WDR27: variants seen among roughly 807,000 people sequenced by gnomAD.
The protein encoded by WDR27 is WD repeat domain 27.
WDR27 carries 100 observed loss-of-function variants against 114.4 expected under a neutral mutation model. That is an observed-to-expected ratio of 0.87 (90% CI 0.74 to 1.03). The LOEUF (loss-of-function observed/expected upper bound fraction) is 1.03, where lower values mean the gene tolerates loss of function less well. WDR27 is among the 50% of genes least tolerant of loss of function. WDR27 has a pLI of 0.00. For missense variants in WDR27, 1,129 were observed against 1,092.9 expected (o/e 1.03, Z -0.47); for synonymous variants, 449 against 423.1 (o/e 1.06, Z -0.75).
the WDR27 span, among the ~76,000 whole-genome samples, chr6:169,437,699 A>G: frequency 3.3e-5 from 5 of 152,166 alleles, no homozygotes; most frequent in African/African-American, 9.7e-5. Flanking sequence ...ATAATTATAT[A>G]GAAATTTTGA....
intron 24 of WDR27, among the ~76,000 whole-genome samples, chr6:169,580,940 T>TATATATATAC (rs1195765098): frequency 2.8e-5 from 2 of 71,790 alleles, no homozygotes; most frequent in East Asian, 7.7e-4. Context: ...ATTTTATATA[T>TATATATATAC]ATATATATAT....
intron 25 of WDR27, among the ~76,000 whole-genome samples, chr6:169,473,960 G>A (rs1448774542): frequency 6.6e-6 from 1 of 152,244 alleles, no homozygotes; most frequent in Admixed American, 6.5e-5. Flanking sequence ...GGGGCCAGGT[G>A]TCAGTGATAG....
chr6:169,504,230 A>C (rs942610188), intron 25 of WDR27, among the ~76,000 whole-genome samples: 1 of 152,216 alleles, frequency 6.6e-6, no homozygotes, highest in Non-Finnish European at 1.5e-5. Flanking sequence ...GTTAAGATAC[A>C]TAGTAGACTT....
intron 25 of WDR27, among the ~76,000 whole-genome samples, chr6:169,531,807 C>A (rs1478259435): frequency 6.6e-6 from 1 of 152,128 alleles, no homozygotes; most frequent in Non-Finnish European, 1.5e-5. Context: ...GCACCCACCA[C>A]CATGCCTGGC....
chr6:169,558,526 G>A (rs925378563), intron 25 of WDR27: 5 of 152,110 alleles, frequency 3.3e-5, no homozygotes, highest in African/African-American at 4.8e-5. Flanking sequence ...ACAGGCAGCC[G>A]AGGATTGGGC....
intron 25 of WDR27, among the ~76,000 whole-genome samples, chr6:169,486,928 T>C (rs1032573128): frequency 4.6e-5 from 7 of 152,234 alleles, no homozygotes; most frequent in African/African-American, 9.6e-5. Flanking sequence ...ATAGTGACTT[T>C]TCTCTACAAT....
chr6:169,656,578 C>G (rs567335636), intron 13 of WDR27, among the ~76,000 whole-genome samples: 1 of 152,118 alleles, frequency 6.6e-6, no homozygotes, highest in Non-Finnish European at 1.5e-5. Flanking sequence ...GGGCTGAGAA[C>G]GAGGAGGCCG....
chr6:169,633,967 A>G (rs1429539623), intron 20 of WDR27, among the ~76,000 whole-genome samples: 1 of 152,168 alleles, frequency 6.6e-6, no homozygotes, highest in South Asian at 2.1e-4. Flanking sequence ...AAAGATCTGG[A>G]GCTTTTCCCC....
Position 169,659,561 on chromosome 6 carries a change from G to C in WDR27, c.1130-43C>G. On this transcript the variant is annotated intron_variant, in intron 10 of 25. Transcript: ENST00000448612. The surrounding 1 kb of genome is among the most constrained non-coding windows in gnomAD (Gnocchi z 4.3). ...CCAGGAAGAACATGATGGGGAGGGAGGTAGCACATACACACGGAGTCACTG... is the reference window on the plus strand; with the variant it reads ...CCAGGAAGAACATGATGGGGAGGGACGTAGCACATACACACGGAGTCACTG... The C allele has an allele frequency of 6.4e-7, 1 of 1,570,686 alleles. No individual in the cohort carries two copies. Among genetic ancestry groups the C allele is most frequent in the Non-Finnish European group, 8.7e-7 (1 of 1,155,040 alleles).
chr6:169,458,006 A>AGGAGGAGGAGGAGGAGGAGGAGGAGGT (rs869143503), intron 25 of WDR27, among the ~76,000 whole-genome samples: 1 of 139,868 alleles, frequency 7.1e-6, no homozygotes, highest in African/African-American at 2.6e-5. Context: ...GAGGAGGAGG[A>AGGAGGAGGAGGAGGAGGAGGAGGAGGT]GGTGGTGGTG....
intron 25 of WDR27, among the ~76,000 whole-genome samples, chr6:169,541,861 A>G (rs1212404615): frequency 6.6e-6 from 1 of 152,210 alleles, no homozygotes; most frequent in Non-Finnish European, 1.5e-5. Flanking sequence ...CACTTAATAA[A>G]GATTAATTAT....
chr6:169,636,455 A>G lies in WDR27; in HGVS notation c.1919T>C (p.Ile640Thr). Reference protein sequence around the residue: ...KPIQSAQFYYIDAFILLSSGP... With the variant: ...KPIQSAQFYYTDAFILLSSGP... ...AGAAGATAACAATATAAAGGCATCT[A>G]TATAATAGAACTGTGCAGACTGTAT... Residue 640 changes from isoleucine to threonine, a missense_variant, in exon 19 of 26, where the codon ATA becomes ACA. Physicochemically the swap from Ile to Thr is moderately conservative, Grantham distance 89 (BLOSUM62 -1). Transcript: ENST00000448612. 1 of 1,613,906 alleles carries G rather than the reference A, an allele frequency of 6.2e-7. No homozygotes were observed. The highest frequency in any genetic ancestry group is 8.5e-7 in the Non-Finnish European group (1 of 1,179,794).
intron 22 of WDR27, among the ~76,000 whole-genome samples, chr6:169,604,365 C>T (rs1036845210): frequency 7.2e-5 from 11 of 151,994 alleles, no homozygotes; most frequent in African/African-American, 2.4e-4. Flanking sequence ...GAAATGGATA[C>T]GTTCCTGGAA....
At chr6:169,668,238 T>C (rs1828438591) in intron 4 of WDR27, 53 bp from the exon 5 acceptor site, 4 of 1,585,060 alleles carry the variant, frequency 2.5e-6, no homozygotes, top group Admixed American at 1.7e-5. Flanking sequence ...ATTCTCTGTA[T>C]ATAAACCAAG....
intron 25 of WDR27, among the ~76,000 whole-genome samples, chr6:169,460,100 T>C (rs1015872980): frequency 6.6e-6 from 1 of 152,212 alleles, no homozygotes; most frequent in Non-Finnish European, 1.5e-5. Flanking sequence ...ACTCCACTTT[T>C]TGTTTTCCAC....
intron 16 of WDR27, among the ~76,000 whole-genome samples, chr6:169,645,049 A>AAAAAAAAAAAAT (rs1820290653): frequency 3.4e-5 from 2 of 58,350 alleles, no homozygotes; most frequent in Non-Finnish European, 6.0e-5. Context: ...AAAAAAAAAA[A>AAAAAAAAAAAAT]AAAAAAAAAG....
At chr6:169,529,393 T>A (rs1419919371) in intron 25 of WDR27, among the ~76,000 whole-genome samples, 1 of 152,144 alleles carries the variant, frequency 6.6e-6, no homozygotes. Flanking sequence ...TATTTATAGT[T>A]TCTATTTTCC....
the WDR27 span, among the ~76,000 whole-genome samples, chr6:169,439,864 A>ATATTATATTGGTAGTTATCTTACCAATAT: frequency 6.8e-6 from 1 of 147,808 alleles, no homozygotes; most frequent in African/African-American, 2.6e-5. Context: ...TATATTACCA[A>ATATTATATTGGTAGTTATCTTACCAATAT]TATTATATTG....
At chr6:169,529,228 ATG>A in intron 25 of WDR27, among the ~76,000 whole-genome samples, 1 of 145,870 alleles carries the variant, frequency 6.9e-6, no homozygotes, top group East Asian at 2.0e-4. Context: ...GTGTGCATAT[ATG>A]TGTGAATAGA....
Sources: gnomAD v4.1 joint callset for allele counts (sites outside exome capture counted in the v4.1 genomes callset) on GRCh38, gnomAD v4.1.1 for gene constraint, Gnocchi (gnomAD v3.1) non-coding constraint, MANE v1.5 for transcripts, NCBI Gene and HGNC (gene_info 2026-07-23, HGNC 2026-07-21) for gene names.